Variants in COL14A1 observed in about 807,000 individuals in gnomAD.
COL14A1 encodes collagen type XIV alpha 1 chain, also known as collagen alpha-1(XIV) chain.
In COL14A1, 136 loss-of-function variants were observed where a neutral mutation model predicts 230.3. The observed-to-expected ratio is 0.59, with a 90% CI of 0.51 to 0.68. COL14A1 has a LOEUF of 0.68. COL14A1 is among the 30% of genes least tolerant of loss of function. The pLI is 0.00. For missense variants in COL14A1, 1,976 were observed against 2,215.8 expected, an observed-to-expected ratio of 0.89 and a Z score of 2.17; for synonymous variants, 792 against 784.1, an observed-to-expected ratio of 1.01 and a Z score of -0.17.
At chr8:120,291,186 T>A (rs187271401) in intron 34 of COL14A1, among the ~76,000 whole-genome samples, 11 of 152,156 alleles carry the variant, frequency 7.2e-5, no homozygotes, top group Admixed American at 7.2e-4. Context: ...AACACAGAAT[T>A]ATCAAACTAA....
At chr8:120,162,170 A>T (rs1227949819) in intron 3 of COL14A1, among the ~76,000 whole-genome samples, 1 of 152,240 alleles carries the variant, frequency 6.6e-6, no homozygotes, top group Non-Finnish European at 1.5e-5. Flanking sequence ...AAAAAGGAAG[A>T]TGGAAACTAT....
At position 120,362,169 on chromosome 8, in the gene COL14A1, C is replaced by T. The variant is rs866098226; in HGVS notation, c.5078-5002C>T. 2.6e-5 allele frequency among the ~76,000 whole-genome samples: 4 copies of T among 152,174 alleles called. No homozygotes were observed. The South Asian group carries it at 6.2e-4, about 24-fold the overall frequency. On this transcript the variant is annotated intron_variant, in intron 45 of 47. Coordinates refer to ENST00000297848, the MANE Select transcript of COL14A1 (RefSeq NM_021110.4). The stretch of plus-strand genomic sequence containing the variant: ...GGAGTGCAGTGGTTGAGCACAGAGG[C>T]TTCTGTGCCAATCTGCCTGGGTTGA...
intron 5 of COL14A1, among the ~76,000 whole-genome samples, chr8:120,173,506 A>G (rs184347434): frequency 1.3e-5 from 2 of 151,764 alleles, no homozygotes; most frequent in Admixed American, 1.3e-4. Flanking sequence ...GGAGTGTCAT[A>G]CCATTATCTC....
intron 18 of COL14A1, among the ~76,000 whole-genome samples, chr8:120,230,554 C>T (rs1483054974): frequency 1.3e-5 from 2 of 152,062 alleles, no homozygotes; most frequent in Non-Finnish European, 2.9e-5. Flanking sequence ...CCCCGTTTTT[C>T]TCTTGCAATC....
chr8:120,137,139 T>C (rs1165038291), intron 1 of COL14A1, among the ~76,000 whole-genome samples: 1 of 152,192 alleles, frequency 6.6e-6, no homozygotes, highest in Non-Finnish European at 1.5e-5. Flanking sequence ...ATTTAATCTC[T>C]TTAATAGATA....
In COL14A1 at chr8:120,243,967, C is replaced by T. The variant is rs148241340; in HGVS notation, c.2438C>T (p.Thr813Met). 1,037 of 1,613,296 alleles carry T rather than the reference C, an allele frequency of 6.4e-4. 2 individuals are homozygous for T. Among genetic ancestry groups the T allele is most frequent in the African/African-American group, 1.4e-3 (106 of 74,896 alleles). The part of the protein sequence containing the change: ...EYKVTVTPIY[T>M]DGEGVSVSAP... ...AAAGTCACAGTGACTCCCATCTACA[C>T]GGATGGCGAAGGCGTCAGCGTCTCC... The change falls in exon 20 of 48, where the codon ACG becomes ATG. Residue 813 changes from threonine (T) to methionine (M), a missense_variant. This residue lies in a region of COL14A1 where 1,791 missense variants were observed against 2,019.5 expected (regional missense o/e 0.89). Coordinates refer to ENST00000297848, the MANE Select transcript of COL14A1 (RefSeq NM_021110.4).
At position 120,344,090 on chromosome 8, in the gene COL14A1, A is replaced by T. The variant is rs73706447; in HGVS notation, c.4889-1285A>T. ...TGACTTCTAGGAAGTAGAAGTCATC[A>T]AGGGATTGGTTACACAGTAAAGCTT... is the stretch of plus-strand genomic sequence containing the variant. On this transcript the variant is annotated intron_variant, in intron 44 of 47. Transcript: ENST00000297848. Among the ~76,000 whole-genome samples the T allele has an allele frequency of 5.1e-3, 779 of 152,314 alleles. 5 individuals are homozygous for T. The highest frequency in any genetic ancestry group is 0.018 in the African/African-American group (739 of 41,578).
chr8:120,212,150 C>T (rs1281583746), intron 12 of COL14A1, among the ~76,000 whole-genome samples: 1 of 152,228 alleles, frequency 6.6e-6, no homozygotes, highest in Non-Finnish European at 1.5e-5. Flanking sequence ...CCACCTTCTC[C>T]TGGGGAGCAT....
chr8:120,292,330 T>C (rs1357643771), intron 34 of COL14A1, among the ~76,000 whole-genome samples: 1 of 152,140 alleles, frequency 6.6e-6, no homozygotes, highest in African/African-American at 2.4e-5. Flanking sequence ...TTCCAACTAG[T>C]AGTAGACAAA....
chr8:120,341,319 A>G lies in COL14A1; in HGVS notation c.4786-6A>G, dbSNP rs1336774187. ...TAAGTAACTTGACAATTTTCCATTTATACAGGGTGTCCCTGGAGCAAAGGG... is the reference window on the plus strand; with the variant it reads ...TAAGTAACTTGACAATTTTCCATTTGTACAGGGTGTCCCTGGAGCAAAGGG... On this transcript the variant is annotated splice_region_variant and splice_polypyrimidine_tract_variant and intron_variant, in intron 42 of 47. Coordinates refer to ENST00000297848, the MANE Select transcript of COL14A1 (RefSeq NM_021110.4). The G allele has an allele frequency of 1.9e-6, 3 of 1,614,046 alleles. No homozygotes were observed. The African/African-American group carries it at 4.0e-5, about 22-fold the overall frequency.
At chr8:120,281,782 G>A (rs1820049582) in intron 31 of COL14A1, among the ~76,000 whole-genome samples, 1 of 152,154 alleles carries the variant, frequency 6.6e-6, no homozygotes, top group Non-Finnish European at 1.5e-5. Flanking sequence ...TTTATATCCA[G>A]CTATCAAGCT....
chr8:120,216,523 G>A (rs1563677459), intron 14 of COL14A1, 33 bp downstream of exon 14: 2 of 1,590,436 alleles, frequency 1.3e-6, no homozygotes, highest in Non-Finnish European at 1.7e-6. Flanking sequence ...TATTTTTTAG[G>A]TAGTGGCGTG....
intron 14 of COL14A1, among the ~76,000 whole-genome samples, chr8:120,224,117 C>T (rs1057171294): frequency 6.7e-6 from 1 of 149,586 alleles, no homozygotes; most frequent in Non-Finnish European, 1.5e-5. Context: ...ACCTCTGTCA[C>T]CCTGGTTCAA....
chr8:120,278,046 C>T, intron 26 of COL14A1, 65 bp from the exon 27 acceptor site: 1 of 1,385,274 alleles, frequency 7.2e-7, no homozygotes, highest in Non-Finnish European at 9.6e-7. Context: ...TGACACTGTG[C>T]TGTTGCTCTC....
intron 3 of COL14A1, among the ~76,000 whole-genome samples, chr8:120,162,150 G>C (rs965939078): frequency 6.6e-6 from 1 of 152,094 alleles, no homozygotes; most frequent in Non-Finnish European, 1.5e-5. Context: ...AATGTAAAAA[G>C]GGTACAGCTA....
intron 34 of COL14A1, among the ~76,000 whole-genome samples, chr8:120,296,305 G>GTAA (rs1486481541): frequency 6.6e-6 from 1 of 151,930 alleles, no homozygotes; most frequent in Non-Finnish European, 1.5e-5. Context: ...TTATTGATCA[G>GTAA]TTGGAATGAA....
At position 120,147,921 on chromosome 8, in the gene COL14A1, C is replaced by T. The variant is rs1359534607; in HGVS notation, c.79C>T (p.Gln27Ter). ...AATTGTTTATTTCTGCACCATTGTC[C>T]AAGGTCAAGGTAATTGAAAACTTTG... is the stretch of plus-strand genomic sequence containing the variant. ...LAIVYFCTIV[Q>*]GQVAPPTRLR... Residue 27 changes from glutamine to a stop codon, truncating the protein, a stop_gained, in exon 2 of 48, where the codon CAA (glutamine) becomes TAA (stop). Transcript: ENST00000297848. LOFTEE classifies it high-confidence loss of function. 1.9e-6 allele frequency: 3 copies of T among 1,612,382 alleles called. No homozygotes were observed. Among genetic ancestry groups the T allele is most frequent in the Non-Finnish European group, 2.5e-6 (3 of 1,178,690 alleles).
At chr8:120,233,721 C>A (rs1453391041) in intron 19 of COL14A1, among the ~76,000 whole-genome samples, 1 of 152,074 alleles carries the variant, frequency 6.6e-6, no homozygotes, top group Non-Finnish European at 1.5e-5. Flanking sequence ...GTTACTGTGG[C>A]CTTGGACTAT....
chr8:120,342,289 C>T (rs1255884163), intron 43 of COL14A1, 91 bp from the exon 44 acceptor site: 1 of 1,314,394 alleles, frequency 7.6e-7, no homozygotes, highest in African/African-American at 1.5e-5. Flanking sequence ...CTGATGGGAA[C>T]AATGGGGCAA....
Sources: gnomAD v4.1 joint callset for allele counts (sites outside exome capture counted in the v4.1 genomes callset) on GRCh38, gnomAD v4.1.1 for gene constraint, gnomAD v4.1.1 regional missense constraint, MANE v1.5 for transcripts, NCBI Gene and HGNC (gene_info 2026-07-23, HGNC 2026-07-21) for gene names.